NOVA1: variants seen among roughly 807,000 people sequenced by gnomAD.
The protein encoded by NOVA1 is NOVA alternative splicing regulator 1.
In NOVA1, 7 loss-of-function variants were observed where a neutral mutation model predicts 38.0. That is an observed-to-expected ratio of 0.18 (90% CI 0.10 to 0.35). NOVA1 has a LOEUF of 0.35. Ranked by LOEUF, NOVA1 falls within the 10% of genes least tolerant of loss-of-function variation. NOVA1 has a pLI of 1.00. For missense variants in NOVA1, 460 were observed against 616.0 expected, an observed-to-expected ratio of 0.75 and a Z score of 2.68; for synonymous variants, 270 against 232.5, an observed-to-expected ratio of 1.16 and a Z score of -1.47.
intron 4 of NOVA1, among the ~76,000 whole-genome samples, chr14:26,450,438 T>C (rs1307611273): frequency 1.3e-5 from 2 of 151,922 alleles, no homozygotes; most frequent in Admixed American, 1.3e-4. Flanking sequence ...CAATTTACAG[T>C]AATAAAAGAA....
chr14:26,572,627 A>G (rs1892552241), intron 2 of NOVA1, among the ~76,000 whole-genome samples: 1 of 152,094 alleles, frequency 6.6e-6, no homozygotes, highest in Non-Finnish European at 1.5e-5. Context: ...ATGTGTCACA[A>G]GAACAAAGGA....
intron 2 of NOVA1, among the ~76,000 whole-genome samples, chr14:26,504,604 T>C (rs1225585886): frequency 6.6e-6 from 1 of 152,224 alleles, no homozygotes; most frequent in Admixed American, 6.5e-5. Flanking sequence ...ACCTATATTA[T>C]GCTTTTGTAA....
chr14:26,470,813 T>C (rs1334019861), intron 4 of NOVA1, among the ~76,000 whole-genome samples: 5 of 152,056 alleles, frequency 3.3e-5, no homozygotes, highest in Non-Finnish European at 7.4e-5. Context: ...TTGAGAAAAA[T>C]CATTCGTTTT....
At chr14:26,503,665 T>C (rs1222181278) in intron 2 of NOVA1, among the ~76,000 whole-genome samples, 1 of 152,056 alleles carries the variant, frequency 6.6e-6, no homozygotes, top group Non-Finnish European at 1.5e-5. Flanking sequence ...ATTAGAAAAG[T>C]ATACAGTTGG....
chr14:26,525,667 G>A (rs1889243850), intron 2 of NOVA1, among the ~76,000 whole-genome samples: 1 of 152,058 alleles, frequency 6.6e-6, no homozygotes, highest in Non-Finnish European at 1.5e-5. Context: ...ATTAGTGGAT[G>A]AATAGCCACG....
chr14:26,560,119 T>TA (rs1891733859), intron 2 of NOVA1, among the ~76,000 whole-genome samples: 1 of 152,086 alleles, frequency 6.6e-6, no homozygotes, highest in South Asian at 2.1e-4. Context: ...ATCATGACTC[T>TA]AAGACTATCT....
At chr14:26,563,661 G>T (rs1038622577) in intron 2 of NOVA1, among the ~76,000 whole-genome samples, 5 of 151,842 alleles carry the variant, frequency 3.3e-5, no homozygotes, top group Non-Finnish European at 7.4e-5. Flanking sequence ...TGAGAATGAT[G>T]ACATATTCAA....
At chr14:26,578,350 A>G (rs1892994212) in intron 2 of NOVA1, among the ~76,000 whole-genome samples, 1 of 24,170 alleles carries the variant, frequency 4.1e-5, no homozygotes, top group Non-Finnish European at 3.4e-4. Flanking sequence ...ATAAAAAGAA[A>G]CACACTTTTT....
chr14:26,584,151 T>C (rs748219968), intron 2 of NOVA1, among the ~76,000 whole-genome samples: 1 of 151,244 alleles, frequency 6.6e-6, no homozygotes, highest in Non-Finnish European at 1.5e-5. Context: ...GTCCTCCACC[T>C]TTTTTTTCTT....
intron 2 of NOVA1, among the ~76,000 whole-genome samples, chr14:26,564,198 C>T (rs1181429359): frequency 6.6e-6 from 1 of 152,072 alleles, no homozygotes; most frequent in Non-Finnish European, 1.5e-5. Flanking sequence ...GCCTGACGTA[C>T]ATAACTTCAC....
Position 26,449,098 on chromosome 14 carries a change from T to C in NOVA1, c.520-135A>G, listed in dbSNP as rs1882396138. On this transcript the variant is annotated intron_variant, in intron 4 of 4. Coordinates refer to ENST00000539517, the MANE Select transcript of NOVA1 (RefSeq NM_002515.3). ...TTATGAAACAGAAATATCACAACTT[T>C]AAAGTGACTTTTATCACACTTTAAT... The C allele has an allele frequency of 4.9e-6, 4 of 821,216 alleles. No homozygotes were observed. The Admixed American group carries it at 9.4e-5, about 19-fold the overall frequency. 50.9% of individuals were successfully genotyped at this position (821,216 alleles called of 1,614,324 possible). A position where few individuals can be genotyped will look rare whatever the true frequency, so the allele number is the denominator to read the frequency against.
rs1281853963 is a variant in NOVA1 at position 26,448,376 on chromosome 14, G to A, written c.1107C>T (p.Ala369=). The A allele has an allele frequency of 6.2e-7, 1 of 1,613,640 alleles. No homozygotes were observed. Among genetic ancestry groups the A allele is most frequent in the East Asian group, 2.2e-5 (1 of 44,862 alleles). The change falls in exon 5 of 5, where the codon GCC becomes GCT. Residue 369 remains alanine, a synonymous_variant. Transcript: ENST00000539517. This position sits in a 1 kb window ranked among gnomAD's most constrained non-coding sequence, Gnocchi z 5.3. ...CACCAGCTGTGCTGCCACTGGCTGA[G>A]GCTTCACTGGCATAGGTGGCCAATA... ...ANLLATYASE[A]SASGSTAGGT...
chr14:26,572,172 A>T lies in NOVA1; in HGVS notation c.280+23238T>A, dbSNP rs574992975. ...TAGAGTCTATATAAAGTACAGTTGT[A>T]AGTGAAACAACCCACCTTAGGGAAA... On this transcript the variant is annotated intron_variant, in intron 2 of 4. Transcript: ENST00000539517. Among the ~76,000 whole-genome samples the T allele has an allele frequency of 2.0e-5, 3 of 152,338 alleles. No homozygotes were observed. The East Asian group carries it at 5.8e-4, about 29-fold the overall frequency.
chr14:26,568,683 T>C (rs1031360610), intron 2 of NOVA1, among the ~76,000 whole-genome samples: 20 of 152,114 alleles, frequency 1.3e-4, no homozygotes, highest in African/African-American at 4.8e-4. Flanking sequence ...CTAGAGCATG[T>C]AAGGGGACAT....
intron 1 of NOVA1, chr14:26,596,536 C>A: frequency 7.8e-7 from 1 of 1,288,774 alleles, no homozygotes; most frequent in Non-Finnish European, 1.0e-6. Flanking sequence ...AAAAGACCCC[C>A]ATCCGTCTAC....
At chr14:26,576,246 G>A (rs12897817) in intron 2 of NOVA1, among the ~76,000 whole-genome samples, 2 of 151,058 alleles carry the variant, frequency 1.3e-5, no homozygotes, top group Admixed American at 6.6e-5. Flanking sequence ...TATATAATCT[G>A]ATGAACAGGT....
At chr14:26,510,837 T>C (rs1007316855) in intron 2 of NOVA1, among the ~76,000 whole-genome samples, 17 of 152,300 alleles carry the variant, frequency 1.1e-4, no homozygotes, top group African/African-American at 3.1e-4. Context: ...TTTTCATTAA[T>C]AAGATGGTAA....
At chr14:26,510,580 G>C (rs918002278) in intron 2 of NOVA1, among the ~76,000 whole-genome samples, 3 of 152,126 alleles carry the variant, frequency 2.0e-5, no homozygotes, top group Non-Finnish European at 2.9e-5. Context: ...GTTGGGGATG[G>C]TGGATGGCAT....
intron 2 of NOVA1, among the ~76,000 whole-genome samples, chr14:26,495,351 A>G (rs1886681746): frequency 1.3e-5 from 2 of 152,202 alleles, no homozygotes; most frequent in Admixed American, 1.3e-4. Flanking sequence ...CTGGTGGAAC[A>G]AAAGGTCCAA....
Sources: gnomAD v4.1 joint callset for allele counts (sites outside exome capture counted in the v4.1 genomes callset) on GRCh38, gnomAD v4.1.1 for gene constraint, Gnocchi (gnomAD v3.1) non-coding constraint, MANE v1.5 for transcripts, NCBI Gene and HGNC (gene_info 2026-07-23, HGNC 2026-07-21) for gene names.